The following RNF157 variants were observed in gnomAD, a reference collection of about 807,000 sequenced individuals.
The protein encoded by RNF157 is E3 ubiquitin ligase RNF157.
Under a neutral mutation model 88.3 loss-of-function variants are expected in RNF157, and 55 were observed. The ratio of observed to expected loss-of-function variants is 0.62; its 90% CI spans 0.50 to 0.78. The LOEUF (loss-of-function observed/expected upper bound fraction) is 0.78, where lower values mean the gene tolerates loss of function less well. RNF157 is among the 30% of genes least tolerant of loss of function. The pLI is 0.00. For synonymous variants in RNF157, 334 were observed against 341.2 expected (o/e 0.98, Z 0.23); for missense variants, 788 against 860.8 (o/e 0.92, Z 1.06).
At chr17:76,152,305 G>T in intron 18 of RNF157, 50 bp downstream of exon 18, 1 of 1,191,204 alleles carries the variant, frequency 8.4e-7, no homozygotes, top group Non-Finnish European at 1.3e-6. Flanking sequence ...AGGGGTAAGA[G>T]CACAGGGATC....
chr17:76,239,595 G>A (rs979402594), intron 1 of RNF157, among the ~76,000 whole-genome samples: 5 of 125,374 alleles, frequency 4.0e-5, no homozygotes, highest in African/African-American at 1.5e-4. Context: ...CACTGCAAAT[G>A]CCTGTTTGGC....
At chr17:76,177,130 C>A (rs2069116935) in intron 2 of RNF157, among the ~76,000 whole-genome samples, 1 of 151,164 alleles carries the variant, frequency 6.6e-6, no homozygotes, top group Admixed American at 6.6e-5. Flanking sequence ...TGGACACTGG[C>A]CCCGGCCCTG....
intron 1 of RNF157, among the ~76,000 whole-genome samples, chr17:76,222,670 C>T (rs1160552234): frequency 1.3e-5 from 2 of 152,096 alleles, no homozygotes; most frequent in African/African-American, 4.8e-5. Flanking sequence ...TTCAGTGACT[C>T]ACACAACGTC....
chr17:76,237,408 A>G (rs1316555397), intron 1 of RNF157, among the ~76,000 whole-genome samples: 1 of 152,252 alleles, frequency 6.6e-6, no homozygotes. Flanking sequence ...AAGGTATGTC[A>G]TCTGGAGAAA....
intron 1 of RNF157, among the ~76,000 whole-genome samples, chr17:76,219,321 A>G (rs2069942033): frequency 6.6e-6 from 1 of 151,928 alleles, no homozygotes; most frequent in Admixed American, 6.6e-5. Flanking sequence ...ACATATATTT[A>G]TATACATATA....
intron 8 of RNF157, chr17:76,164,052 G>GA (rs1238261333): frequency 6.6e-6 from 1 of 152,222 alleles, no homozygotes; most frequent in Non-Finnish European, 1.5e-5. Context: ...GCATCTCGAG[G>GA]AAGCCCAACC....
chr17:76,146,658 C>A lies in RNF157; in HGVS notation c.1922-1305G>T. 1 of 985,500 alleles carries A rather than the reference C, an allele frequency of 1.0e-6. No individual in the cohort carries two copies. The highest frequency in any genetic ancestry group is 1.2e-6 in the Non-Finnish European group (1 of 829,946). 61.0% of individuals were successfully genotyped at this position (985,500 alleles called of 1,614,324 possible). A position where few individuals can be genotyped will look rare whatever the true frequency, so the allele number is the denominator to read the frequency against. ...TCCTAAGTGCTCCCTGCAGCCTGAA[C>A]TACTGCTCCACGCACACGTCACATG... On this transcript the variant is annotated intron_variant, in intron 18 of 18. Transcript: ENST00000269391. This position sits in a 1 kb window ranked among gnomAD's most constrained non-coding sequence, Gnocchi z 4.2.
intron 3 of RNF157, among the ~76,000 whole-genome samples, chr17:76,169,591 T>C (rs1012751363): frequency 6.6e-6 from 1 of 151,028 alleles, no homozygotes; most frequent in Non-Finnish European, 1.5e-5. Flanking sequence ...TTTTTTTTTT[T>C]TTTTTTGAGA....
chr17:76,216,931 C>CA (rs1429418321), intron 1 of RNF157, among the ~76,000 whole-genome samples: 1 of 151,500 alleles, frequency 6.6e-6, no homozygotes, highest in Admixed American at 6.6e-5. Flanking sequence ...AACAAACAAA[C>CA]AAAAAACCCC....
At chr17:76,190,645 C>T (rs1355064314) in intron 2 of RNF157, among the ~76,000 whole-genome samples, 1 of 149,816 alleles carries the variant, frequency 6.7e-6, no homozygotes, top group Non-Finnish European at 1.5e-5. Flanking sequence ...TACGGCCGGG[C>T]GTGATGGCTC....
Position 76,173,806 on chromosome 17 carries a change from A to G in RNF157, c.208-16T>C. 6.3e-7 allele frequency: 1 copy of G among 1,595,614 alleles called. No individual in the cohort carries two copies. The highest frequency in any genetic ancestry group is 8.6e-7 in the Non-Finnish European group (1 of 1,168,080). On this transcript the variant is annotated splice_polypyrimidine_tract_variant and intron_variant, in intron 2 of 18. Transcript: ENST00000269391. The stretch of plus-strand genomic sequence containing the variant: ...CGTAAGGAAACTGTGTCAGAAACAA[A>G]GCAGGAGAAGGTGGTGTGTTTAAAA...
chr17:76,160,526 T>C lies in RNF157; in HGVS notation c.1066-953A>G, dbSNP rs980280534. 5.9e-5 allele frequency among the ~76,000 whole-genome samples: 9 copies of C among 152,224 alleles called. No homozygotes were observed. The highest frequency in any genetic ancestry group is 1.9e-4 in the African/African-American group (8 of 41,458). ...ATGGTATTCTCATATTTGCATATCA[T>C]TGATTTTTAATGTGGTTGAACTTTT... On this transcript the variant is annotated intron_variant, in intron 11 of 18. Coordinates refer to ENST00000269391, the MANE Select transcript of RNF157 (RefSeq NM_052916.3). This position sits in a 1 kb window ranked among gnomAD's most constrained non-coding sequence, Gnocchi z 4.3.
intron 2 of RNF157, among the ~76,000 whole-genome samples, chr17:76,179,131 C>T (rs561492379): frequency 3.9e-5 from 6 of 152,318 alleles, no homozygotes; most frequent in African/African-American, 4.8e-5. Flanking sequence ...CAGTAGCTCA[C>T]GCTTGTAATT....
chr17:76,164,732 G>A lies in RNF157; in HGVS notation c.720+16C>T, dbSNP rs1568032020. Reference sequence around the variant, plus strand: ...AGGACCCTAATACTAACAGTCTGTGGTCTTCAAATACTTACTACTTGTTTC... The same window carrying A: ...AGGACCCTAATACTAACAGTCTGTGATCTTCAAATACTTACTACTTGTTTC... On this transcript the variant is annotated intron_variant, in intron 8 of 18. Transcript: ENST00000269391. 1 of 1,550,928 alleles carries A rather than the reference G, an allele frequency of 6.4e-7. No individual in the cohort carries two copies. The highest frequency in any genetic ancestry group is 8.9e-7 in the Non-Finnish European group (1 of 1,124,052).
intron 2 of RNF157, among the ~76,000 whole-genome samples, chr17:76,194,497 A>C (rs1268706914): frequency 2.6e-5 from 4 of 152,342 alleles, no homozygotes; most frequent in Non-Finnish European, 5.9e-5. Context: ...CCCCGAAAGC[A>C]GGACGCTTCT....
Position 76,164,345 on chromosome 17 carries a change from T to C in RNF157, c.720+403A>G, listed in dbSNP as rs80058135. 1,152 of 155,962 alleles carry C rather than the reference T, an allele frequency of 7.4e-3. 15 individuals are homozygous for C. The highest frequency in any genetic ancestry group is 0.026 in the African/African-American group (1,090 of 41,696). The allele number at this position is 155,962 out of a possible 1,614,324, so 9.7% of individuals were successfully genotyped here. A position where few individuals can be genotyped will look rare whatever the true frequency, so the allele number is the denominator to read the frequency against. ...AGCCAATGACTCTAATTACACTAAATTGGACCCTAATGCTTTATCCTTTCG... is the reference window on the plus strand; with the variant it reads ...AGCCAATGACTCTAATTACACTAAACTGGACCCTAATGCTTTATCCTTTCG... On this transcript the variant is annotated intron_variant, in intron 8 of 18. Transcript: ENST00000269391.
intron 7 of RNF157, among the ~76,000 whole-genome samples, chr17:76,165,124 T>C (rs1309973296): frequency 6.6e-6 from 1 of 152,228 alleles, no homozygotes; most frequent in Admixed American, 6.5e-5. Flanking sequence ...ATGAGGGTTC[T>C]GTACGATCTG....
intron 2 of RNF157, among the ~76,000 whole-genome samples, chr17:76,202,124 T>TCACA (rs1416865466): frequency 1.2e-3 from 164 of 139,662 alleles, no homozygotes; most frequent in African/African-American, 4.6e-3. Flanking sequence ...TCTCTCTCTC[T>TCACA]CTCTCACACA....
intron 2 of RNF157, among the ~76,000 whole-genome samples, chr17:76,192,985 C>A (rs1318668445): frequency 6.6e-6 from 1 of 152,020 alleles, no homozygotes; most frequent in African/African-American, 2.4e-5. Flanking sequence ...CCACACCTAG[C>A]TAATTTTTGA....
Sources: allele counts gnomAD v4.1 joint callset (sites outside exome capture counted in the v4.1 genomes callset), GRCh38; gene constraint gnomAD v4.1.1; non-coding constraint Gnocchi (gnomAD v3.1); transcripts MANE v1.5; gene names NCBI Gene and HGNC (gene_info 2026-07-23, HGNC 2026-07-21).